The following WDR59 variants were observed in gnomAD, a reference collection of about 807,000 sequenced individuals.
WDR59 encodes WD repeat domain 59.
Under a neutral mutation model 131.2 loss-of-function variants are expected in WDR59, and 100 were observed. The observed-to-expected ratio is 0.76, with a 90% CI of 0.65 to 0.90. The LOEUF (loss-of-function observed/expected upper bound fraction) is 0.90. WDR59 is among the 40% of genes least tolerant of loss of function. The pLI, the probability that WDR59 is intolerant of heterozygous loss-of-function variation, is 0.00. For missense variants in WDR59, 1,203 were observed against 1,262.2 expected, an observed-to-expected ratio of 0.95 and a Z score of 0.71; for synonymous variants, 601 against 466.2, an observed-to-expected ratio of 1.29 and a Z score of -3.72.
intron 5 of WDR59, among the ~76,000 whole-genome samples, chr16:74,948,785 C>T (rs555629924): frequency 7.9e-5 from 12 of 152,114 alleles, no homozygotes; most frequent in African/African-American, 2.7e-4. Flanking sequence ...GCGGATCACC[C>T]GAGGTCAGAG....
At chr16:74,891,264 A>C (rs1965030839) in intron 20 of WDR59, among the ~76,000 whole-genome samples, 1 of 152,214 alleles carries the variant, frequency 6.6e-6, no homozygotes, top group Non-Finnish European at 1.5e-5. Context: ...GGAGTTTACA[A>C]TCTAAGGAGA....
chr16:74,885,830 T>G (rs374327975), intron 24 of WDR59, 35 bp from the exon 25 acceptor site: 48 of 1,603,656 alleles, frequency 3.0e-5, no homozygotes, highest in African/African-American at 2.4e-4. Context: ...TGTCAGTTCC[T>G]TTAAGAAAAA....
At chr16:74,936,598 G>A (rs1039437365) in intron 8 of WDR59, among the ~76,000 whole-genome samples, 1 of 152,052 alleles carries the variant, frequency 6.6e-6, no homozygotes, top group African/African-American at 2.4e-5. Flanking sequence ...GGCCGAGATG[G>A]GCGGATCACT....
intron 6 of WDR59, among the ~76,000 whole-genome samples, chr16:74,946,332 G>T (rs553697196): frequency 2.6e-5 from 4 of 152,272 alleles, no homozygotes; most frequent in African/African-American, 7.2e-5. Flanking sequence ...AATGAGGGGG[G>T]ATTACTGTAT....
At position 74,891,510 on chromosome 16, in the gene WDR59, A is replaced by G. The variant is rs982462115; in HGVS notation, c.2082+974T>C. Among the ~76,000 whole-genome samples, 12 of 152,366 alleles carry G rather than the reference A, an allele frequency of 7.9e-5. 1 individual carries two copies. Among genetic ancestry groups the G allele is most frequent in the East Asian group, 1.9e-4 (1 of 5,182 alleles). ...TTTACTACCCTGGCTGACAATTTAG[A>G]CGTGTTATTTCCTCACTGATAATAC... On this transcript the variant is annotated intron_variant, in intron 20 of 25. Transcript: ENST00000262144.
At chr16:74,955,571 A>C (rs1414883834) in intron 3 of WDR59, among the ~76,000 whole-genome samples, 2 of 152,172 alleles carry the variant, frequency 1.3e-5, no homozygotes, top group Non-Finnish European at 2.9e-5. Context: ...AAATCAGCGC[A>C]ACCTCGGACA....
rs550795340 is a variant in WDR59, at chr16:74,972,644, G to C, written c.55-6822C>G. Among the ~76,000 whole-genome samples, 17 of 150,336 alleles carry C rather than the reference G, an allele frequency of 1.1e-4. No individual in the cohort carries two copies. In the South Asian group the frequency reaches 3.4e-3, roughly 30 times the overall value. Reference sequence around the variant, plus strand: ...AGGTTAGGAGTTTGAGACCAGCCTGGCCAACATGGCTACTAAAAATACAAA... The same window carrying C: ...AGGTTAGGAGTTTGAGACCAGCCTGCCCAACATGGCTACTAAAAATACAAA... On this transcript the variant is annotated intron_variant, in intron 1 of 25. Transcript: ENST00000262144.
At chr16:74,917,113 G>T (rs758319481) in intron 11 of WDR59, among the ~76,000 whole-genome samples, 1 of 152,184 alleles carries the variant, frequency 6.6e-6, no homozygotes, top group African/African-American at 2.4e-5. Flanking sequence ...CATCAAATGA[G>T]GAGAGGACAG....
chr16:74,983,937 G>A (rs1227341078), intron 1 of WDR59, among the ~76,000 whole-genome samples: 2 of 151,772 alleles, frequency 1.3e-5, no homozygotes, highest in Admixed American at 6.6e-5. Context: ...GGTGATTCAC[G>A]CCTCTGCACT....
At chr16:74,939,625 T>G (rs987922559) in intron 7 of WDR59, among the ~76,000 whole-genome samples, 1 of 152,170 alleles carries the variant, frequency 6.6e-6, no homozygotes, top group South Asian at 2.1e-4. Context: ...TGATTTTTAT[T>G]TTTTCATTTA....
intron 14 of WDR59, 115 bp downstream of exon 14, chr16:74,912,083 T>G (rs1484727903): frequency 2.2e-6 from 3 of 1,374,380 alleles, no homozygotes; most frequent in Non-Finnish European, 3.1e-6. Context: ...TACTAGTGTG[T>G]GTACGAAACA....
chr16:74,930,282 T>C (rs780244859), intron 8 of WDR59, among the ~76,000 whole-genome samples: 93 of 152,202 alleles, frequency 6.1e-4, no homozygotes, highest in Non-Finnish European at 1.1e-3. Flanking sequence ...ACTCATTATA[T>C]GCCTGTATCA....
chr16:74,926,826 T>C (rs1370704646), intron 8 of WDR59, among the ~76,000 whole-genome samples: 1 of 152,212 alleles, frequency 6.6e-6, no homozygotes, highest in Non-Finnish European at 1.5e-5. Flanking sequence ...CTGAAAAATT[T>C]AGAGTTCGAA....
chr16:74,886,254 C>A lies in WDR59; in HGVS notation c.2546+16G>T. 6.2e-7 allele frequency: 1 copy of A among 1,601,264 alleles called. No homozygotes were observed. The highest frequency in any genetic ancestry group is 8.5e-7 in the Non-Finnish European group (1 of 1,171,448). On this transcript the variant is annotated intron_variant, in intron 24 of 25. Transcript: ENST00000262144. ...GGAGTCCTGGCATTGCAGCTCTCAC[C>A]TGGGAGGGTGGTTACCTTTTATTTT...
intron 8 of WDR59, among the ~76,000 whole-genome samples, chr16:74,934,690 G>A (rs1329731789): frequency 6.6e-6 from 1 of 152,206 alleles, no homozygotes; most frequent in Non-Finnish European, 1.5e-5. Flanking sequence ...GCTCACGCCT[G>A]TAATCCCAAC....
At chr16:74,976,330 G>A (rs2034178943) in intron 1 of WDR59, among the ~76,000 whole-genome samples, 1 of 151,942 alleles carries the variant, frequency 6.6e-6, no homozygotes, top group Admixed American at 6.6e-5. Flanking sequence ...TATTAGGTCA[G>A]AAGAGAGTAT....
intron 18 of WDR59, chr16:74,899,828 T>G (rs1965463351): frequency 9.2e-7 from 1 of 1,088,694 alleles, no homozygotes; most frequent in African/African-American, 1.6e-5. Context: ...AAATATAGAA[T>G]AAAATGAAAG....
In WDR59 at chr16:74,915,861, A is replaced by T. The variant is rs9934255; in HGVS notation, c.1224+9T>A. 62,539 of 1,614,100 alleles carry T rather than the reference A, an allele frequency of 0.039. 4,420 individuals carry two copies. Among genetic ancestry groups the T allele is most frequent in the African/African-American group, 0.29 (21,914 of 74,986 alleles). ...GCAAACATGAGATACAGTTGATTAA[A>T]CTAAGTACCTCCACATTGACATTCC... On this transcript the variant is annotated intron_variant, in intron 13 of 25. Coordinates refer to ENST00000262144, the MANE Select transcript of WDR59 (RefSeq NM_030581.4).
Position 74,872,639 on chromosome 16 carries a change from A to C in WDR59, c.*1570T>G, listed in dbSNP as rs1445169781. On this transcript the variant is annotated 3_prime_UTR_variant, in exon 26 of 26. Coordinates refer to ENST00000262144, the MANE Select transcript of WDR59 (RefSeq NM_030581.4). Reference sequence around the variant, plus strand: ...AGAATTGGTGGACACAGATGTTATAACTACTCAGAACACAGGCAAACACAG... The same window carrying C: ...AGAATTGGTGGACACAGATGTTATACCTACTCAGAACACAGGCAAACACAG... The C allele has an allele frequency of 6.6e-6, 1 of 152,174 alleles. No homozygotes were observed. The highest frequency in any genetic ancestry group is 2.4e-5 in the African/African-American group (1 of 41,440). 9.4% of individuals were successfully genotyped at this position (152,174 alleles called of 1,614,324 possible).
Sources: allele counts gnomAD v4.1 joint callset (sites outside exome capture counted in the v4.1 genomes callset), GRCh38; gene constraint gnomAD v4.1.1; transcripts MANE v1.5; gene names NCBI Gene and HGNC (gene_info 2026-07-23, HGNC 2026-07-21).